Variants in CDH12 observed in about 807,000 individuals in gnomAD.
CDH12 encodes the protein cadherin-12.
A neutral mutation model predicts 74.1 loss-of-function variants in CDH12; 41 were observed. That is an observed-to-expected ratio of 0.55 (90% CI 0.43 to 0.72). The LOEUF (loss-of-function observed/expected upper bound fraction) is 0.72. CDH12 is among the 30% of genes least tolerant of loss of function. The pLI is 0.00. For missense variants in CDH12, 945 were observed against 977.2 expected, an observed-to-expected ratio of 0.97 and a Z score of 0.44; for synonymous variants, 399 against 355.0, an observed-to-expected ratio of 1.12 and a Z score of -1.39.
chr5:22,662,300 A>G (rs1326570289), intron 1 of CDH12, among the ~76,000 whole-genome samples: 3 of 152,184 alleles, frequency 2.0e-5, no homozygotes, highest in Non-Finnish European at 2.9e-5. Context: ...AAGTTATGGC[A>G]TATATATAAC....
At chr5:21,890,045 C>T (rs1047589910) in intron 6 of CDH12, among the ~76,000 whole-genome samples, 5 of 152,104 alleles carry the variant, frequency 3.3e-5, no homozygotes, top group African/African-American at 1.2e-4. Flanking sequence ...ATATGTAAAA[C>T]ACATTTAAAT....
chr5:22,643,860 G>C lies in CDH12; in HGVS notation c.-522-138496C>G, dbSNP rs535866858. ...ACTTCATGTTCATCTGTCACATTTG[G>C]TAATTCTCATAATGTTTCAAACATT... On this transcript the variant is annotated intron_variant, in intron 1 of 14. Coordinates refer to ENST00000382254, the MANE Select transcript of CDH12 (RefSeq NM_004061.5). Among the ~76,000 whole-genome samples the C allele has an allele frequency of 1.0e-3, 147 of 145,024 alleles. 3 individuals carry two copies. The South Asian group carries it at 0.018, about 18-fold the overall frequency.
intron 1 of CDH12, among the ~76,000 whole-genome samples, chr5:22,531,392 G>A (rs931846632): frequency 2.0e-5 from 3 of 150,196 alleles, no homozygotes; most frequent in African/African-American, 7.6e-5. Flanking sequence ...AACTCTGAAA[G>A]GAGAAAAAAA....
chr5:22,185,028 C>G (rs563030563), intron 4 of CDH12, among the ~76,000 whole-genome samples: 2 of 152,116 alleles, frequency 1.3e-5, no homozygotes, highest in Non-Finnish European at 2.9e-5. Context: ...TGAAAGGCCC[C>G]AGTGTGTGTT....
chr5:21,777,818 C>A (rs1745678356), intron 11 of CDH12, among the ~76,000 whole-genome samples: 1 of 152,130 alleles, frequency 6.6e-6, no homozygotes, highest in African/African-American at 2.4e-5. Context: ...AGTTAACATT[C>A]TAACTGACAG....
intron 2 of CDH12, among the ~76,000 whole-genome samples, chr5:22,427,580 G>A (rs190406130): frequency 6.6e-6 from 1 of 152,272 alleles, no homozygotes; most frequent in East Asian, 1.9e-4. Context: ...TATTTCTATA[G>A]TAAGTTCCTG....
intron 1 of CDH12, among the ~76,000 whole-genome samples, chr5:22,581,517 G>T (rs1361497016): frequency 6.6e-6 from 1 of 152,204 alleles, no homozygotes; most frequent in Admixed American, 6.5e-5. Context: ...TTCTGCACTG[G>T]CAGGCTCAAA....
At chr5:22,455,338 A>C (rs1184240328) in intron 2 of CDH12, among the ~76,000 whole-genome samples, 1 of 152,326 alleles carries the variant, frequency 6.6e-6, no homozygotes, top group South Asian at 2.1e-4. Context: ...CAATAGATAA[A>C]TTTTGAAATG....
At chr5:22,384,338 C>A (rs1019728175) in intron 3 of CDH12, among the ~76,000 whole-genome samples, 8 of 150,988 alleles carry the variant, frequency 5.3e-5, no homozygotes, top group Non-Finnish European at 8.9e-5. Context: ...TCCTGGCTAA[C>A]ACGGTGAAAC....
At chr5:22,256,667 C>A (rs1753328824) in intron 3 of CDH12, among the ~76,000 whole-genome samples, 1 of 152,070 alleles carries the variant, frequency 6.6e-6, no homozygotes, top group South Asian at 2.1e-4. Context: ...GCCTTAAAGA[C>A]CTTCCAGTGG....
intron 2 of CDH12, among the ~76,000 whole-genome samples, chr5:22,470,122 T>C (rs1424477): frequency 0.42 from 64,517 of 151,926 alleles, 14,177 homozygotes; most frequent in Admixed American, 0.6. Flanking sequence ...TGATGGGCAC[T>C]GAGAGCACAA....
At chr5:21,900,350 A>G (rs960426363) in intron 6 of CDH12, among the ~76,000 whole-genome samples, 1 of 152,218 alleles carries the variant, frequency 6.6e-6, no homozygotes, top group Non-Finnish European at 1.5e-5. Flanking sequence ...TTATTATTCT[A>G]ACGATAACCA....
chr5:22,766,669 C>G, intron 1 of CDH12, among the ~76,000 whole-genome samples: 1 of 152,098 alleles, frequency 6.6e-6, no homozygotes, highest in East Asian at 1.9e-4. Flanking sequence ...ATTCAACCAA[C>G]AGCAACTCAA....
chr5:21,777,375 A>G (rs529663257), intron 11 of CDH12, among the ~76,000 whole-genome samples: 39 of 152,252 alleles, frequency 2.6e-4, no homozygotes, highest in Middle Eastern at 3.4e-3. Context: ...TTTGATATGT[A>G]AGCCCTCTAA....
At chr5:21,870,425 A>G (rs926451637) in intron 6 of CDH12, among the ~76,000 whole-genome samples, 2 of 152,138 alleles carry the variant, frequency 1.3e-5, no homozygotes, top group Non-Finnish European at 2.9e-5. Flanking sequence ...AAAAAAAGTG[A>G]TTTCCACATG....
intron 3 of CDH12, among the ~76,000 whole-genome samples, chr5:22,239,383 G>A (rs1752669271): frequency 6.6e-6 from 1 of 152,074 alleles, no homozygotes; most frequent in South Asian, 2.1e-4. Context: ...CTGAGGCATG[G>A]AGCCCTGTGG....
intron 1 of CDH12, among the ~76,000 whole-genome samples, chr5:22,671,824 A>G (rs1740913264): frequency 6.6e-6 from 1 of 151,454 alleles, no homozygotes; most frequent in African/African-American, 2.4e-5. Context: ...ACTATTACAC[A>G]ACTTTATTAC....
chr5:21,831,649 T>A (rs1473118346), intron 8 of CDH12, among the ~76,000 whole-genome samples: 1 of 151,780 alleles, frequency 6.6e-6, no homozygotes, highest in African/African-American at 2.4e-5. Context: ...GAGGCCTAGA[T>A]GTTTTGTTAT....
chr5:22,645,416 A>G (rs1341494904), intron 1 of CDH12, among the ~76,000 whole-genome samples: 3 of 152,054 alleles, frequency 2.0e-5, no homozygotes, highest in Non-Finnish European at 4.4e-5. Flanking sequence ...GTGGGGCTAG[A>G]TTGCTGAAAT....
Sources: gnomAD v4.1 joint callset for allele counts (sites outside exome capture counted in the v4.1 genomes callset) on GRCh38, gnomAD v4.1.1 for gene constraint, MANE v1.5 for transcripts, NCBI Gene and HGNC (gene_info 2026-07-23, HGNC 2026-07-21) for gene names.